The following CNTN3 variants were observed in gnomAD, a reference collection of about 807,000 sequenced individuals.
CNTN3 encodes contactin-3.
Under a neutral mutation model 119.1 loss-of-function variants are expected in CNTN3, and 60 were observed. The observed-to-expected ratio is 0.50, with a 90% CI of 0.41 to 0.62. CNTN3 has a LOEUF of 0.62. Among genes scored for constraint, CNTN3 ranks in the 20% least tolerant of loss-of-function variants. The pLI, the probability that CNTN3 is intolerant of heterozygous loss-of-function variation, is 0.00. For missense variants in CNTN3, 1,101 were observed against 1,242.4 expected (o/e 0.89, Z 1.71); for synonymous variants, 450 against 438.7 (o/e 1.03, Z -0.32).
intron 4 of CNTN3, among the ~76,000 whole-genome samples, chr3:74,469,660 TA>T (rs1473292449): frequency 1.3e-5 from 2 of 152,194 alleles, no homozygotes; most frequent in East Asian, 3.9e-4. Flanking sequence ...TACCCCTTCG[TA>T]CCCACTAGGA....
At position 74,374,348 on chromosome 3, in the gene CNTN3, C is replaced by T. The variant is rs867854504; in HGVS notation, c.455-2949G>A. On this transcript the variant is annotated intron_variant, in intron 5 of 22. Coordinates refer to ENST00000263665, the MANE Select transcript of CNTN3 (RefSeq NM_020872.3). ...TATAAGTCTGATCCTTTAGTCCCAT[C>T]TTGGTGTATGTGTCTCAGGGAATCT... 2.3e-4 allele frequency among the ~76,000 whole-genome samples: 35 copies of T among 151,662 alleles called. 1 individual carries two copies. Among genetic ancestry groups the T allele is most frequent in the Admixed American group, 2.0e-3 (31 of 15,208 alleles).
intron 4 of CNTN3, among the ~76,000 whole-genome samples, chr3:74,425,166 G>A (rs1256440843): frequency 6.6e-6 from 1 of 151,962 alleles, no homozygotes. Context: ...TTGGGGTTTG[G>A]TTGATCTCAT....
chr3:74,296,055 C>A (rs190314063), intron 18 of CNTN3, among the ~76,000 whole-genome samples: 1 of 152,174 alleles, frequency 6.6e-6, no homozygotes, highest in East Asian at 1.9e-4. Flanking sequence ...AAGAGCAGAA[C>A]CATTTTCTGA....
At chr3:74,433,031 A>G (rs1452540194) in intron 4 of CNTN3, among the ~76,000 whole-genome samples, 1 of 152,170 alleles carries the variant, frequency 6.6e-6, no homozygotes, top group Admixed American at 6.5e-5. Flanking sequence ...GTGATCTTAG[A>G]GGCAGTGGGG....
intron 20 of CNTN3, among the ~76,000 whole-genome samples, chr3:74,274,372 C>T (rs1382492678): frequency 1.3e-5 from 2 of 152,148 alleles, no homozygotes; most frequent in Admixed American, 6.6e-5. Context: ...CATTAAACCA[C>T]TAAAGCTAAG....
chr3:74,353,763 AAATT>A (rs933159859), intron 11 of CNTN3, among the ~76,000 whole-genome samples: 13 of 152,212 alleles, frequency 8.5e-5, no homozygotes, highest in Non-Finnish European at 1.8e-4. Flanking sequence ...CTCAAAAAAA[AAATT>A]AATTAATTAA....
At chr3:74,322,065 A>G (rs955997107) in intron 13 of CNTN3, among the ~76,000 whole-genome samples, 2 of 151,424 alleles carry the variant, frequency 1.3e-5, no homozygotes, top group East Asian at 3.9e-4. Flanking sequence ...ACACAGTTGT[A>G]GTCCCAGCTA....
chr3:74,507,941 C>A (rs1303248699), intron 2 of CNTN3, among the ~76,000 whole-genome samples: 1 of 152,068 alleles, frequency 6.6e-6, no homozygotes, highest in Non-Finnish European at 1.5e-5. Context: ...CTCCCTGTTT[C>A]TTTTCTTAAG....
intron 1 of CNTN3, among the ~76,000 whole-genome samples, chr3:74,581,714 C>T (rs1396650723): frequency 6.6e-6 from 1 of 152,142 alleles, no homozygotes; most frequent in Non-Finnish European, 1.5e-5. Flanking sequence ...TAACTGATTT[C>T]TACCTACGAC....
chr3:74,275,131 T>C (rs1046480036), intron 20 of CNTN3, among the ~76,000 whole-genome samples: 2 of 152,084 alleles, frequency 1.3e-5, no homozygotes, highest in African/African-American at 4.8e-5. Context: ...AAAATATGAT[T>C]GTCTCCAAGA....
intron 17 of CNTN3, among the ~76,000 whole-genome samples, chr3:74,299,196 A>C (rs1702404408): frequency 1.3e-5 from 2 of 152,098 alleles, no homozygotes; most frequent in African/African-American, 4.8e-5. Flanking sequence ...CAACAGAGCA[A>C]GACTGTCTCA....
chr3:74,267,739 G>A (rs537269692), intron 20 of CNTN3, among the ~76,000 whole-genome samples: 2 of 151,892 alleles, frequency 1.3e-5, no homozygotes, highest in African/African-American at 4.8e-5. Flanking sequence ...ACTGTGTCTC[G>A]TTGAAAACAC....
chr3:74,465,622 C>T lies in CNTN3; in HGVS notation c.358+20834G>A, dbSNP rs149312816. ...TGTACACACAAAAAAATGCATTTCT[C>T]CATACAAAGAAAAGTCTGTAGCACA... On this transcript the variant is annotated intron_variant, in intron 4 of 22. Transcript: ENST00000263665. 3.9e-5 allele frequency among the ~76,000 whole-genome samples: 6 copies of T among 152,284 alleles called. No individual in the cohort carries two copies. The East Asian group carries it at 1.2e-3, about 29-fold the overall frequency.
chr3:74,457,970 G>C (rs1262052828), intron 4 of CNTN3, among the ~76,000 whole-genome samples: 1 of 151,960 alleles, frequency 6.6e-6, no homozygotes, highest in Non-Finnish European at 1.5e-5. Flanking sequence ...ACCCTGGCTT[G>C]ACCATACAAT....
In CNTN3 at chr3:74,301,534, G is replaced by A. The variant is rs769586871; in HGVS notation, c.1959C>T (p.Ile653=). ...CAGTGGCTGTGTGCGTCTTCCCATC[G>A]ATGACCTCAGGCACTACAAAGGAAT... The part of the protein sequence containing the change: ...WQTVTTVPEV[I]DGKTHTATVV... Residue 653 remains isoleucine (I), a synonymous_variant, in exon 16 of 23, where the codon ATC becomes ATT. Coordinates refer to ENST00000263665, the MANE Select transcript of CNTN3 (RefSeq NM_020872.3). 14 of 1,613,710 alleles carry A rather than the reference G, an allele frequency of 8.7e-6. No individual in the cohort carries two copies. Among genetic ancestry groups the A allele is most frequent in the Admixed American group, 1.7e-5 (1 of 59,958 alleles).
At chr3:74,301,898 A>G (rs1471400157) in intron 14 of CNTN3, 93 bp from the exon 15 acceptor site, 3 of 1,389,666 alleles carry the variant, frequency 2.2e-6, no homozygotes, top group East Asian at 2.3e-5. Flanking sequence ...GACCACTTCA[A>G]TATCTCTGAC....
chr3:74,497,594 T>C (rs1046122652), intron 3 of CNTN3, among the ~76,000 whole-genome samples: 5 of 151,890 alleles, frequency 3.3e-5, no homozygotes, highest in Non-Finnish European at 7.4e-5. Flanking sequence ...GAAATCTTAA[T>C]TTTAGAAAAT....
At chr3:74,532,760 T>G (rs1703711837) in intron 1 of CNTN3, among the ~76,000 whole-genome samples, 1 of 152,010 alleles carries the variant, frequency 6.6e-6, no homozygotes, top group Admixed American at 6.6e-5. Context: ...ATTTAATATT[T>G]TTGGACTACA....
At chr3:74,287,095 C>T (rs1702129299) in intron 19 of CNTN3, among the ~76,000 whole-genome samples, 1 of 152,180 alleles carries the variant, frequency 6.6e-6, no homozygotes, top group Non-Finnish European at 1.5e-5. Context: ...CTCCCTCCTT[C>T]CTATGGCAGA....
Sources: allele counts gnomAD v4.1 joint callset (sites outside exome capture counted in the v4.1 genomes callset), GRCh38; gene constraint gnomAD v4.1.1; transcripts MANE v1.5; gene names NCBI Gene and HGNC (gene_info 2026-07-23, HGNC 2026-07-21).